The following UVRAG variants were observed in gnomAD, a reference collection of about 807,000 sequenced individuals.
UVRAG encodes the protein UV radiation resistance associated, also known as UV radiation resistance-associated gene protein.
Under a neutral mutation model 78.0 loss-of-function variants are expected in UVRAG, and 19 were observed. The observed-to-expected ratio is 0.24, with a 90% CI of 0.17 to 0.36. UVRAG has a LOEUF of 0.36. Ranked by LOEUF, UVRAG falls within the 10% of genes least tolerant of loss-of-function variation. The pLI, the probability that UVRAG is intolerant of heterozygous loss-of-function variation, is 1.00. For missense variants in UVRAG, 740 were observed against 853.8 expected (o/e 0.87, Z 1.66); for synonymous variants, 323 against 324.6 (o/e 1.00, Z 0.05).
intron 8 of UVRAG, among the ~76,000 whole-genome samples, chr11:75,987,166 T>C (rs913986300): frequency 5.9e-5 from 9 of 152,190 alleles, no homozygotes; most frequent in Non-Finnish European, 8.8e-5. Flanking sequence ...TTTTTAACTT[T>C]TTGAATGACT....
rs78415355 is a variant in UVRAG at position 76,007,244 on chromosome 11, C to T, written c.912-290C>T. On this transcript the variant is annotated intron_variant, in intron 9 of 14. Transcript: ENST00000356136. Reference sequence around the variant, plus strand: ...CCAGGCTGGTCTTGAACTCCTGGGCCTCCCAAAGTGCTGGGATTATGGGAG... The same window carrying T: ...CCAGGCTGGTCTTGAACTCCTGGGCTTCCCAAAGTGCTGGGATTATGGGAG... Among the ~76,000 whole-genome samples the T allele has an allele frequency of 4.6e-5, 7 of 152,148 alleles. No individual in the cohort carries two copies. The South Asian group carries it at 1.5e-3, about 32-fold the overall frequency.
chr11:75,936,608 A>G (rs1190982653), intron 6 of UVRAG, among the ~76,000 whole-genome samples: 1 of 152,140 alleles, frequency 6.6e-6, no homozygotes, highest in Non-Finnish European at 1.5e-5. Flanking sequence ...CTGTGTTCTT[A>G]AGACATATTT....
chr11:76,141,641 C>G lies in UVRAG; in HGVS notation c.*228C>G. Reference sequence around the variant, plus strand: ...CTTTTCGGGCCTGATGATTTTAAAGCAAAAATCACCCTCTAGTTGAAAGAG... The same window carrying G: ...CTTTTCGGGCCTGATGATTTTAAAGGAAAAATCACCCTCTAGTTGAAAGAG... On this transcript the variant is annotated 3_prime_UTR_variant, in exon 15 of 15. Transcript: ENST00000356136. 1.8e-6 allele frequency: 1 copy of G among 549,600 alleles called. No homozygotes were observed. Among genetic ancestry groups the G allele is most frequent in the Non-Finnish European group, 3.2e-6 (1 of 312,820 alleles). 34.0% of individuals were successfully genotyped at this position (549,600 alleles called of 1,614,324 possible).
chr11:75,968,003 C>T (rs981634014), intron 7 of UVRAG, among the ~76,000 whole-genome samples: 5 of 152,196 alleles, frequency 3.3e-5, no homozygotes, highest in Non-Finnish European at 1.5e-5. Context: ...AATGTGAAGA[C>T]ACTTGTTCCA....
At chr11:76,077,118 TTAATG>T (rs1951417829) in intron 13 of UVRAG, among the ~76,000 whole-genome samples, 1 of 148,668 alleles carries the variant, frequency 6.7e-6, no homozygotes, top group Admixed American at 6.7e-5. Flanking sequence ...TCATTTCTGT[TTAATG>T]TATATTATAT....
Position 76,009,554 on chromosome 11 carries a change from T to C in UVRAG, c.1060+687T>C, listed in dbSNP as rs377272310. On this transcript the variant is annotated intron_variant, in intron 11 of 14. Coordinates refer to ENST00000356136, the MANE Select transcript of UVRAG (RefSeq NM_003369.4). ...CTTTGAGGCCTACTAAATATCTTTA[T>C]AGATTATTCCCAAGCCAGCGTTTTA... Among the ~76,000 whole-genome samples, 12 of 152,346 alleles carry C rather than the reference T, an allele frequency of 7.9e-5. No individual in the cohort carries two copies. In the East Asian group the frequency reaches 1.5e-3, roughly 20 times the overall value.
intron 2 of UVRAG, among the ~76,000 whole-genome samples, chr11:75,859,907 G>A (rs1170598390): frequency 3.3e-5 from 5 of 152,108 alleles, no homozygotes; most frequent in African/African-American, 7.2e-5. Context: ...TGGAGAAGGC[G>A]AATTGTTTTG....
At chr11:76,139,251 G>A (rs1207334319) in intron 14 of UVRAG, among the ~76,000 whole-genome samples, 1 of 152,180 alleles carries the variant, frequency 6.6e-6, no homozygotes, top group Non-Finnish European at 1.5e-5. Context: ...AGAGAGCAGG[G>A]AGCTGGGGCC....
intron 12 of UVRAG, among the ~76,000 whole-genome samples, chr11:76,044,784 G>GA (rs370924560): frequency 1.2e-3 from 176 of 151,704 alleles, no homozygotes; most frequent in African/African-American, 4.1e-3. Context: ...CTAAAAAAAA[G>GA]AAAAAAGAAA....
intron 13 of UVRAG, among the ~76,000 whole-genome samples, chr11:76,091,923 G>A (rs150828883): frequency 1.8e-3 from 268 of 151,926 alleles, no homozygotes; most frequent in African/African-American, 6.2e-3. Flanking sequence ...CCTTGTTGGT[G>A]TGCTGCACCC....
At chr11:75,858,029 T>A (rs2134771153) in intron 2 of UVRAG, among the ~76,000 whole-genome samples, 1 of 152,244 alleles carries the variant, frequency 6.6e-6, no homozygotes, top group Admixed American at 6.5e-5. Flanking sequence ...AAGGCAGAGA[T>A]TTTCAGGTCA....
intron 12 of UVRAG, among the ~76,000 whole-genome samples, chr11:76,034,039 T>A (rs755071863): frequency 1.3e-5 from 2 of 152,250 alleles, no homozygotes; most frequent in Non-Finnish European, 2.9e-5. Flanking sequence ...ATATTTATTA[T>A]GTCTGTATTA....
intron 12 of UVRAG, among the ~76,000 whole-genome samples, chr11:76,018,880 T>C (rs1950193814): frequency 6.6e-6 from 1 of 152,204 alleles, no homozygotes; most frequent in East Asian, 1.9e-4. Context: ...AATATTGATA[T>C]TTTTTCCTAG....
intron 5 of UVRAG, among the ~76,000 whole-genome samples, chr11:75,890,094 A>AG (rs1337031767): frequency 2.6e-5 from 4 of 152,158 alleles, no homozygotes; most frequent in Non-Finnish European, 5.9e-5. Flanking sequence ...CAGAGTGATG[A>AG]GGGGGGAGTG....
At chr11:75,848,366 GTT>G (rs1946080898) in intron 1 of UVRAG, among the ~76,000 whole-genome samples, 1 of 152,190 alleles carries the variant, frequency 6.6e-6, no homozygotes, top group Non-Finnish European at 1.5e-5. Flanking sequence ...TTTAATTATA[GTT>G]GGTCAGTTTA....
chr11:75,968,687 G>T (rs371215921), intron 7 of UVRAG, among the ~76,000 whole-genome samples: 2 of 152,246 alleles, frequency 1.3e-5, no homozygotes, highest in South Asian at 4.1e-4. Flanking sequence ...TCCTAGCCAG[G>T]CATATCCCTG....
chr11:75,965,020 A>G (rs935348542), intron 7 of UVRAG, among the ~76,000 whole-genome samples: 3 of 152,130 alleles, frequency 2.0e-5, no homozygotes, highest in Non-Finnish European at 4.4e-5. Flanking sequence ...GTCATCTTAA[A>G]ATTTGACAGG....
chr11:76,133,904 T>A lies in UVRAG; in HGVS notation c.1398-6807T>A, dbSNP rs76915978. On this transcript the variant is annotated intron_variant, in intron 14 of 14. Coordinates refer to ENST00000356136, the MANE Select transcript of UVRAG (RefSeq NM_003369.4). ...GAACAGATTAAATCTGTTGATTGAT[T>A]TGGGTCTTTTTCTCCAAATCTCTTT... Among the ~76,000 whole-genome samples, 405 of 152,208 alleles carry A rather than the reference T, an allele frequency of 2.7e-3. 1 individual carries two copies. The highest frequency in any genetic ancestry group is 9.1e-3 in the African/African-American group (379 of 41,568).
At position 76,141,494 on chromosome 11, in the gene UVRAG, T is replaced by C; in HGVS notation, c.*81T>C. The C allele has an allele frequency of 1.5e-6, 2 of 1,328,182 alleles. No homozygotes were observed. Among genetic ancestry groups the C allele is most frequent in the South Asian group, 1.4e-5 (1 of 72,094 alleles). 82.3% of individuals were successfully genotyped at this position (1,328,182 alleles called of 1,614,324 possible). On this transcript the variant is annotated 3_prime_UTR_variant, in exon 15 of 15. Transcript: ENST00000356136. ...AGCTGCACTTAACCCTTTGTGATAA[T>C]GATGACACAAAATGAATATTAATGG...
Sources: allele counts gnomAD v4.1 joint callset (sites outside exome capture counted in the v4.1 genomes callset), GRCh38; gene constraint gnomAD v4.1.1; transcripts MANE v1.5; gene names NCBI Gene and HGNC (gene_info 2026-07-23, HGNC 2026-07-21).